Variants in DLG2 observed in about 807,000 individuals in gnomAD.
The protein encoded by DLG2 is disks large homolog 2.
Under a neutral mutation model 132.5 loss-of-function variants are expected in DLG2, and 45 were observed. That is an observed-to-expected ratio of 0.34 (90% CI 0.27 to 0.44). DLG2 has a LOEUF of 0.44. DLG2 is among the 20% of genes least tolerant of loss of function. The probability of loss-of-function intolerance (pLI) is 1.00; values close to 1 mark genes in which losing one functional copy is unlikely to be tolerated. For synonymous variants in DLG2, 424 were observed against 419.6 expected, an observed-to-expected ratio of 1.01 and a Z score of -0.13; for missense variants, 1,045 against 1,196.9, an observed-to-expected ratio of 0.87 and a Z score of 1.87.
chr11:83,577,497 T>TAA (rs1469273752), intron 19 of DLG2, among the ~76,000 whole-genome samples: 23 of 127,454 alleles, frequency 1.8e-4, no homozygotes, highest in African/African-American at 6.0e-4. Context: ...TATATATATA[T>TAA]AATAGGATAT....
intron 6 of DLG2, among the ~76,000 whole-genome samples, chr11:85,004,227 A>G (rs1243337206): frequency 6.6e-6 from 1 of 152,208 alleles, no homozygotes; most frequent in Non-Finnish European, 1.5e-5. Context: ...TCCTTTGGGT[A>G]TATACCCAGT....
At chr11:84,170,914 C>T (rs2154269184) in intron 8 of DLG2, among the ~76,000 whole-genome samples, 1 of 152,242 alleles carries the variant, frequency 6.6e-6, no homozygotes, top group African/African-American at 2.4e-5. Flanking sequence ...TCTAAAGATC[C>T]TAACTGGCAA....
At chr11:85,563,611 A>G (rs1408968790) in intron 3 of DLG2, among the ~76,000 whole-genome samples, 1 of 151,460 alleles carries the variant, frequency 6.6e-6, no homozygotes, top group Non-Finnish European at 1.5e-5. Flanking sequence ...AGTGTTTTTG[A>G]GATTGATTTA....
intron 18 of DLG2, among the ~76,000 whole-genome samples, chr11:83,677,747 GA>G (rs1447517301): frequency 6.6e-6 from 1 of 152,130 alleles, no homozygotes; most frequent in Non-Finnish European, 1.5e-5. Context: ...TTGTTGCTTA[GA>G]ACTCCTGGCT....
intron 20 of DLG2, among the ~76,000 whole-genome samples, chr11:83,536,002 A>G (rs1227994281): frequency 6.6e-6 from 1 of 152,200 alleles, no homozygotes; most frequent in East Asian, 1.9e-4. Context: ...AGTTTGGGAA[A>G]CAGCATTCAG....
At chr11:84,104,767 TAAG>T (rs1175275432) in intron 9 of DLG2, among the ~76,000 whole-genome samples, 1 of 151,994 alleles carries the variant, frequency 6.6e-6, no homozygotes, top group Non-Finnish European at 1.5e-5. Flanking sequence ...TTAAACTACA[TAAG>T]AAGGAGATTT....
chr11:83,706,720 T>C (rs188781780), intron 18 of DLG2, among the ~76,000 whole-genome samples: 232 of 152,364 alleles, frequency 1.5e-3, no homozygotes, highest in Admixed American at 6.0e-3. Flanking sequence ...CCACATGCGA[T>C]GCCAACTCCC....
intron 3 of DLG2, among the ~76,000 whole-genome samples, chr11:85,544,165 G>T (rs1190018253): frequency 6.6e-6 from 1 of 152,242 alleles, no homozygotes; most frequent in Admixed American, 6.5e-5. Flanking sequence ...GTTAATTTTT[G>T]TATAAGGTAT....
At chr11:85,563,633 G>C (rs1565690452) in intron 3 of DLG2, among the ~76,000 whole-genome samples, 1 of 148,190 alleles carries the variant, frequency 6.7e-6, no homozygotes, top group Non-Finnish European at 1.5e-5. Context: ...GTTGTTGCAT[G>C]TTGTATAGTT....
intron 6 of DLG2, among the ~76,000 whole-genome samples, chr11:84,975,049 A>T (rs946006560): frequency 3.9e-5 from 6 of 152,208 alleles, no homozygotes; most frequent in African/African-American, 1.4e-4. Flanking sequence ...GTAAGTAGCC[A>T]AGTCTCACAT....
At chr11:85,462,186 C>T (rs945542167) in intron 3 of DLG2, among the ~76,000 whole-genome samples, 3 of 152,238 alleles carry the variant, frequency 2.0e-5, no homozygotes, top group African/African-American at 7.2e-5. Context: ...AATAGGAACA[C>T]TTCTACACTG....
intron 3 of DLG2, among the ~76,000 whole-genome samples, chr11:85,384,894 A>T (rs754294300): frequency 1.3e-5 from 2 of 152,144 alleles, no homozygotes; most frequent in Non-Finnish European, 2.9e-5. Context: ...CTTAGTCTCA[A>T]TTTCCTCGTT....
intron 4 of DLG2, among the ~76,000 whole-genome samples, chr11:85,249,698 C>T (rs1003605950): frequency 1.3e-5 from 2 of 152,020 alleles, no homozygotes; most frequent in Non-Finnish European, 2.9e-5. Context: ...TCCAAAGACA[C>T]CATGTTTATA....
intron 19 of DLG2, among the ~76,000 whole-genome samples, chr11:83,569,896 A>G (rs2096769378): frequency 6.6e-6 from 1 of 152,218 alleles, no homozygotes; most frequent in African/African-American, 2.4e-5. Context: ...GAACTGGGAC[A>G]TCCGTTTAAA....
chr11:84,702,741 C>A (rs2059340616), intron 6 of DLG2, among the ~76,000 whole-genome samples: 1 of 151,620 alleles, frequency 6.6e-6, no homozygotes, highest in Non-Finnish European at 1.5e-5. Context: ...CCTATCATGT[C>A]TTTCCCTTCT....
At chr11:85,132,930 GCCCC>G in intron 5 of DLG2, 1 of 428,562 alleles carries the variant, frequency 2.3e-6, no homozygotes, top group South Asian at 1.6e-5. Context: ...TTCCAAGGGG[GCCCC>G]TCATGGGAAA....
At chr11:83,896,898 G>A (rs1345104843) in intron 15 of DLG2, among the ~76,000 whole-genome samples, 1 of 152,090 alleles carries the variant, frequency 6.6e-6, no homozygotes, top group African/African-American at 2.4e-5. Context: ...TATAAAGCTT[G>A]AAACTACAGT....
intron 6 of DLG2, among the ~76,000 whole-genome samples, chr11:84,827,426 C>G (rs957145248): frequency 5.3e-5 from 8 of 151,494 alleles, no homozygotes; most frequent in African/African-American, 1.9e-4. Context: ...AAAATCCAGA[C>G]AGTGTTCATT....
chr11:85,366,818 A>G (rs1164887415), intron 3 of DLG2, among the ~76,000 whole-genome samples: 2 of 152,094 alleles, frequency 1.3e-5, no homozygotes, highest in African/African-American at 4.8e-5. Context: ...ATCAGTCTTG[A>G]ATACTATTAA....
Sources: allele counts gnomAD v4.1 joint callset (sites outside exome capture counted in the v4.1 genomes callset), GRCh38; gene constraint gnomAD v4.1.1; transcripts MANE v1.5; gene names NCBI Gene and HGNC (gene_info 2026-07-23, HGNC 2026-07-21).